The following PDXDC1 variants were observed in gnomAD, a reference collection of about 807,000 sequenced individuals.
PDXDC1 encodes pyridoxal dependent decarboxylase domain containing 1.
Under a neutral mutation model 100.1 loss-of-function variants are expected in PDXDC1, and 42 were observed. The ratio of observed to expected loss-of-function variants is 0.42; its 90% CI spans 0.33 to 0.54. PDXDC1 has a LOEUF of 0.54. Ranked by LOEUF, PDXDC1 falls within the 20% of genes least tolerant of loss-of-function variation. PDXDC1 has a pLI of 0.10. For synonymous variants in PDXDC1, 260 were observed against 371.7 expected (o/e 0.70, Z 3.46); for missense variants, 636 against 979.2 (o/e 0.65, Z 4.68).
chr16:15,124,122 T>G (rs1300510640), intron 16 of PDXDC1, among the ~76,000 whole-genome samples: 3 of 152,192 alleles, frequency 2.0e-5, no homozygotes, highest in Non-Finnish European at 4.4e-5. Flanking sequence ...TCAGCTTCTC[T>G]CCTAAGGTGT....
In PDXDC1 at chr16:15,037,049, C is replaced by T. The variant is rs1000383969; in HGVS notation, c.*774C>T. 2 of 152,190 alleles carry T rather than the reference C, an allele frequency of 1.3e-5. No individual in the cohort carries two copies. The highest frequency in any genetic ancestry group is 4.8e-5 in the African/African-American group (2 of 41,440). The allele number at this position is 152,190 out of a possible 1,614,324, so 9.4% of individuals were successfully genotyped here. ...GTATCTGAAAACCTGATAGATGCTACCCTTAAGAGCTTGCTCTTCCGTGTG... is the reference window on the plus strand; with the variant it reads ...GTATCTGAAAACCTGATAGATGCTATCCTTAAGAGCTTGCTCTTCCGTGTG... On this transcript the variant is annotated 3_prime_UTR_variant, in exon 23 of 23. Coordinates refer to ENST00000396410, the MANE Select transcript of PDXDC1 (RefSeq NM_015027.4).
intron 16 of PDXDC1, chr16:15,129,977 A>C: frequency 7.6e-7 from 1 of 1,310,682 alleles, no homozygotes; most frequent in South Asian, 1.2e-5. Flanking sequence ...GCTGGCATCC[A>C]ACTGGTCCAG....
chr16:15,037,385 G>A lies in PDXDC1; in HGVS notation c.*1110G>A, dbSNP rs1276210490. ...AAAATTCACACTGGGTTTCTGGACT[G>A]TAGTATTGGAAGCCTTAGTTATAGT... On this transcript the variant is annotated 3_prime_UTR_variant, in exon 23 of 23. Coordinates refer to ENST00000396410, the MANE Select transcript of PDXDC1 (RefSeq NM_015027.4). 3 of 152,206 alleles carry A rather than the reference G, an allele frequency of 2.0e-5. No individual in the cohort carries two copies. The highest frequency in any genetic ancestry group is 4.8e-5 in the African/African-American group (2 of 41,442). 9.4% of individuals were successfully genotyped at this position (152,206 alleles called of 1,614,324 possible). A position where few individuals can be genotyped will look rare whatever the true frequency, so the allele number is the denominator to read the frequency against.
intron 1 of PDXDC1, among the ~76,000 whole-genome samples, chr16:14,991,328 T>TTCTC (rs1970776088): frequency 1.5e-5 from 2 of 131,536 alleles, no homozygotes; most frequent in Non-Finnish European, 3.2e-5. Context: ...TCGAGACAGG[T>TTCTC]TCTCTGTTGA....
chr16:15,082,736 A>G (rs528456957), intron 16 of PDXDC1, among the ~76,000 whole-genome samples: 172 of 152,140 alleles, frequency 1.1e-3, no homozygotes, highest in African/African-American at 3.9e-3. Context: ...GTCATGGTAC[A>G]TAATTCTTTT....
At chr16:15,027,690 G>A (rs1210654227) in intron 14 of PDXDC1, among the ~76,000 whole-genome samples, 11 of 152,286 alleles carry the variant, frequency 7.2e-5, no homozygotes, top group South Asian at 2.1e-4. Context: ...CTGGCTTGCC[G>A]GGGCCTGTCG....
At chr16:15,038,384 C>T, downstream of PDXDC1, 1 of 618,416 alleles carries the variant, frequency 1.6e-6, no homozygotes, top group Non-Finnish European at 2.8e-6. Context: ...TTTACCCACA[C>T]ACATTTCCAT....
chr16:14,984,257 C>A (rs1169870025), intron 1 of PDXDC1, among the ~76,000 whole-genome samples: 1 of 150,478 alleles, frequency 6.6e-6, no homozygotes, highest in Non-Finnish European at 1.5e-5. Context: ...TGGATCCCTG[C>A]CCTGCTTTCT....
intron 16 of PDXDC1, among the ~76,000 whole-genome samples, chr16:15,069,477 G>A (rs1316710231): frequency 1.3e-5 from 2 of 152,164 alleles, no homozygotes; most frequent in African/African-American, 2.4e-5. Flanking sequence ...AATCTAATAA[G>A]TTTCAACTGA....
intron 16 of PDXDC1, among the ~76,000 whole-genome samples, chr16:15,070,499 C>T (rs962845993): frequency 6.6e-6 from 1 of 151,956 alleles, no homozygotes; most frequent in African/African-American, 2.4e-5. Flanking sequence ...CCCCTAAGAA[C>T]GTCCCAAGGG....
At chr16:15,085,960 G>C (rs1448413995) in intron 16 of PDXDC1, among the ~76,000 whole-genome samples, 6 of 152,094 alleles carry the variant, frequency 3.9e-5, no homozygotes, top group African/African-American at 1.2e-4. Flanking sequence ...AGCAACAAAT[G>C]AATCTAGACA....
At chr16:15,003,999 A>T (rs1308512001) in intron 4 of PDXDC1, among the ~76,000 whole-genome samples, 188 bp from the exon 5 acceptor site, 3 of 152,372 alleles carry the variant, frequency 2.0e-5, no homozygotes, top group East Asian at 1.9e-4. Context: ...AAAAAAATAT[A>T]TTTTTTTCTC....
intron 16 of PDXDC1, chr16:15,060,729 T>C (rs759846377): frequency 6.6e-6 from 1 of 152,512 alleles, no homozygotes; most frequent in African/African-American, 2.4e-5. Context: ...CCAAGCCGAA[T>C]GTGCGATGCA....
Position 15,037,942 on chromosome 16 carries a change from A to ACAGATGTAGGATCCAGATCTGGATTCGTG in PDXDC1, c.*1669_*1697dup. 2.2e-6 allele frequency: 2 copies of ACAGATGTAGGATCCAGATCTGGATTCGTG among 897,658 alleles called. No homozygotes were observed. The allele number at this position is 897,658 out of a possible 1,614,324, so 55.6% of individuals were successfully genotyped here. ...AGGAGGGAAGGAGGCCTAAGACCCA[A>ACAGATGTAGGATCCAGATCTGGATTCGTG]CAGATGTAGGATCCAGATCTGGATT... On this transcript the variant is annotated 3_prime_UTR_variant, in exon 23 of 23. Transcript: ENST00000396410.
At chr16:15,152,037 T>G in the PDXDC1 span, among the ~76,000 whole-genome samples, 1 of 149,470 alleles carries the variant, frequency 6.7e-6, no homozygotes, top group African/African-American at 2.4e-5. Context: ...GCCACAGCTC[T>G]GCCCACGTCT....
chr16:15,140,882 G>A (rs1237810421), downstream of PDXDC1, among the ~76,000 whole-genome samples: 4 of 151,948 alleles, frequency 2.6e-5, no homozygotes, highest in African/African-American at 4.8e-5. Flanking sequence ...CCAGGACCCC[G>A]AGACCTCACC....
chr16:15,083,542 G>A, intron 16 of PDXDC1: 1 of 1,609,110 alleles, frequency 6.2e-7, no homozygotes, highest in African/African-American at 1.3e-5. Context: ...CGAACAAATG[G>A]AAATTTTTCC....
chr16:15,122,898 T>C (rs1206761713), intron 16 of PDXDC1, among the ~76,000 whole-genome samples: 2 of 130,080 alleles, frequency 1.5e-5, no homozygotes, highest in Non-Finnish European at 3.3e-5. Context: ...GGCTGTTGGG[T>C]ACCTGGAGGA....
intron 13 of PDXDC1, among the ~76,000 whole-genome samples, chr16:15,024,392 C>A (rs549357935): frequency 1.4e-5 from 2 of 138,008 alleles, no homozygotes; most frequent in South Asian, 4.7e-4. Context: ...GTTTCCCACC[C>A]CCCGTCCCCA....
Sources: gnomAD v4.1 joint callset for allele counts (sites outside exome capture counted in the v4.1 genomes callset) on GRCh38, gnomAD v4.1.1 for gene constraint, MANE v1.5 for transcripts, NCBI Gene and HGNC (gene_info 2026-07-23, HGNC 2026-07-21) for gene names.